The following PPIE variants were observed in gnomAD, a reference collection of about 807,000 sequenced individuals.
The protein encoded by PPIE is peptidylprolyl isomerase E, also known as peptidyl-prolyl cis-trans isomerase E.
A neutral mutation model predicts 38.4 loss-of-function variants in PPIE; 20 were observed. The observed-to-expected ratio is 0.52, with a 90% CI of 0.37 to 0.76. The LOEUF (loss-of-function observed/expected upper bound fraction) is 0.76, where lower values mean the gene tolerates loss of function less well. Among genes scored for constraint, PPIE ranks in the 30% least tolerant of loss-of-function variants. The probability of loss-of-function intolerance (pLI) is 0.00; values close to 1 mark genes in which losing one functional copy is unlikely to be tolerated. For missense variants in PPIE, 322 were observed against 385.8 expected (o/e 0.83, Z 1.39); for synonymous variants, 142 against 135.7 (o/e 1.05, Z -0.32).
In PPIE at chr1:39,754,006, C is replaced by T. The variant is rs1648027352; in HGVS notation, c.*651C>T. On this transcript the variant is annotated 3_prime_UTR_variant, in exon 10 of 10. Transcript: ENST00000324379. ...TCATTTGTTTATTTGTTCACTTTCA[C>T]CCTACAGATTTTAAAAAATGAAATT... 4.1e-6 allele frequency: 4 copies of T among 985,410 alleles called. No individual in the cohort carries two copies. The highest frequency in any genetic ancestry group is 2.4e-6 in the Non-Finnish European group (2 of 829,916). The allele number at this position is 985,410 out of a possible 1,614,324, so 61.0% of individuals were successfully genotyped here.
At chr1:39,743,043 T>G in intron 4 of PPIE, 173 bp from the exon 5 acceptor site, 1 of 572,568 alleles carries the variant, frequency 1.7e-6, no homozygotes. Flanking sequence ...AAGAAAGGGG[T>G]GTGAGTTCCC....
intron 5 of PPIE, 110 bp from the exon 6 acceptor site, chr1:39,743,714 T>G (rs1417954101): frequency 1.2e-6 from 1 of 800,130 alleles, no homozygotes; most frequent in African/African-American, 1.7e-5. Context: ...CAGTGGGGAA[T>G]TGTCTGGCAT....
At chr1:39,750,812 C>T (rs1647644980) in intron 8 of PPIE, among the ~76,000 whole-genome samples, 1 of 152,170 alleles carries the variant, frequency 6.6e-6, no homozygotes, top group Non-Finnish European at 1.5e-5. Context: ...GCCTGTTACC[C>T]TGTGCTCCGT....
chr1:39,758,211 C>G (rs116241541), downstream of PPIE: 1 of 152,172 alleles, frequency 6.6e-6, no homozygotes, highest in Non-Finnish European at 1.5e-5. Flanking sequence ...TAAGTAAATA[C>G]TAGGATGGCA....
chr1:39,748,923 A>G lies in PPIE; in HGVS notation c.529A>G (p.Thr177Ala), dbSNP rs1443888316. ...MTAENFRCLC[T>A]HEKGFGFKGS... Reference sequence around the variant, plus strand: ...TCCAGAGAATTTCCGCTGCCTGTGCACTCATGAAAAGGGCTTTGGCTTTAA... The same window carrying G: ...TCCAGAGAATTTCCGCTGCCTGTGCGCTCATGAAAAGGGCTTTGGCTTTAA... The change falls in exon 8 of 10, where the codon ACT (threonine) becomes GCT (alanine). Residue 177 changes from threonine to alanine, a missense_variant. Coordinates refer to ENST00000324379, the MANE Select transcript of PPIE (RefSeq NM_006112.4). The G allele has an allele frequency of 1.2e-6, 2 of 1,613,926 alleles. No homozygotes were observed. Among genetic ancestry groups the G allele is most frequent in the Admixed American group, 3.3e-5 (2 of 60,000 alleles).
rs1569779135 is a variant in PPIE at position 39,762,719 on chromosome 1, G to A, written c.838-970G>A. On this transcript the variant is annotated intron_variant, in intron 9 of 9. Transcript: ENST00000356511. ...ATCACGGGCGGTCAGACTTGCCAGCGTACTCGGCGGCCCGTGTGCTAAGAT... is the reference window on the plus strand; with the variant it reads ...ATCACGGGCGGTCAGACTTGCCAGCATACTCGGCGGCCCGTGTGCTAAGAT... The A allele has an allele frequency of 7.6e-6, 11 of 1,444,754 alleles. 1 individual carries two copies. In the South Asian group the frequency reaches 8.7e-5, roughly 11 times the overall value. 89.5% of individuals were successfully genotyped at this position (1,444,754 alleles called of 1,614,324 possible).
chr1:39,756,196 A>G lies in PPIE; in HGVS notation c.*2841A>G. ...CGGGAAAACTCTGACCTCTCTGGGA[A>G]GTGGAGCCAGTGGCTCTGTGGGCGT... is the stretch of plus-strand genomic sequence containing the variant. On this transcript the variant is annotated 3_prime_UTR_variant, in exon 10 of 10. Transcript: ENST00000324379. The G allele has an allele frequency of 1.0e-6, 1 of 985,420 alleles. No homozygotes were observed. Among genetic ancestry groups the G allele is most frequent in the South Asian group, 4.7e-5 (1 of 21,290 alleles). 61.0% of individuals were successfully genotyped at this position (985,420 alleles called of 1,614,324 possible).
At chr1:39,758,857 G>A (rs1021923109), downstream of PPIE, 1 of 152,224 alleles carries the variant, frequency 6.6e-6, no homozygotes, top group Non-Finnish European at 1.5e-5. Flanking sequence ...GGTCCAGGTG[G>A]AGGGGCTGCT....
chr1:39,749,990 G>A (rs1409671160), intron 8 of PPIE, among the ~76,000 whole-genome samples: 1 of 152,024 alleles, frequency 6.6e-6, no homozygotes, highest in Admixed American at 6.6e-5. Context: ...AAAATTAGCC[G>A]GGCGTGGTGG....
chr1:39,761,230 G>C (rs558011871), downstream of PPIE: 1 of 152,560 alleles, frequency 6.6e-6, no homozygotes, highest in African/African-American at 2.4e-5. Flanking sequence ...AGTTCCTCCC[G>C]CCCTGACATC....
At chr1:39,751,854 G>C (rs1280729959) in intron 8 of PPIE, among the ~76,000 whole-genome samples, 1 of 152,172 alleles carries the variant, frequency 6.6e-6, no homozygotes, top group Non-Finnish European at 1.5e-5. Flanking sequence ...GGAGTCTGAA[G>C]TGGCAGCCCA....
chr1:39,746,779 C>T (rs1261055791), intron 7 of PPIE: 1 of 152,238 alleles, frequency 6.6e-6, no homozygotes, highest in Non-Finnish European at 1.5e-5. Context: ...TAGGACTCAT[C>T]TATTTTGTTT....
At chr1:39,743,693 CT>C in intron 5 of PPIE, 130 bp from the exon 6 acceptor site, 1 of 696,744 alleles carries the variant, frequency 1.4e-6, no homozygotes, top group Non-Finnish European at 2.4e-6. Context: ...TTCCTTACCC[CT>C]GGGAGTTCTC....
rs376241780 is a variant in PPIE at position 39,745,467 on chromosome 1, C to T, written c.477C>T (p.Leu159=). 8.4e-5 allele frequency: 135 copies of T among 1,614,118 alleles called. 1 individual carries two copies. The African/African-American group carries it at 1.5e-3, about 19-fold the overall frequency. ...GNKPAGRIQM[L]LRSDVVPMTA... ...AGCCGGCTGGCCGCATCCAGATGCTCCTGCGTTCTGATGTCGTGCCCATGA... is the reference window on the plus strand; with the variant it reads ...AGCCGGCTGGCCGCATCCAGATGCTTCTGCGTTCTGATGTCGTGCCCATGA... Residue 159 remains leucine, a synonymous_variant, in exon 7 of 10, where the codon CTC becomes CTT. Transcript: ENST00000324379.
intron 1 of PPIE, among the ~76,000 whole-genome samples, chr1:39,739,692 A>T (rs1004705188): frequency 6.6e-6 from 1 of 152,182 alleles, no homozygotes; most frequent in Non-Finnish European, 1.5e-5. Flanking sequence ...AGGGAGTCGC[A>T]AAGGTGTGAA....
At position 39,763,833 on chromosome 1, in the gene PPIE, C is replaced by T. The variant is rs753242726; in HGVS notation, c.*91C>T. ...GGCAAGGTCTTTTCTGGGGTTCCTA[C>T]TGTGTGCAGCTACTATGGGGTACCA... On this transcript the variant is annotated 3_prime_UTR_variant, in exon 10 of 10. Coordinates refer to the PPIE transcript ENST00000356511. 23 of 1,586,318 alleles carry T rather than the reference C, an allele frequency of 1.4e-5. 1 individual carries two copies.
Position 39,756,300 on chromosome 1 carries a change from C to T in PPIE, c.*2945C>T. On this transcript the variant is annotated 3_prime_UTR_variant, in exon 10 of 10. Transcript: ENST00000324379. The stretch of plus-strand genomic sequence containing the variant: ...TGTCCCAACTGGCCTCCCCATTCCA[C>T]ATTCCCATTGCTGGACCAGCACCAG... 2 of 985,488 alleles carry T rather than the reference C, an allele frequency of 2.0e-6. No individual in the cohort carries two copies. Among genetic ancestry groups the T allele is most frequent in the South Asian group, 9.4e-5 (2 of 21,292 alleles). The allele number at this position is 985,488 out of a possible 1,614,324, so 61.0% of individuals were successfully genotyped here. A position where few individuals can be genotyped will look rare whatever the true frequency, so the allele number is the denominator to read the frequency against.
chr1:39,761,582 G>A (rs1648986015), downstream of PPIE, among the ~76,000 whole-genome samples: 2 of 152,064 alleles, frequency 1.3e-5, no homozygotes, highest in Non-Finnish European at 2.9e-5. Flanking sequence ...TAGGGGAGCC[G>A]GCCCTGCCCA....
intron 4 of PPIE, chr1:39,742,420 A>G (rs1001578151): frequency 1.3e-5 from 2 of 152,974 alleles, no homozygotes; most frequent in African/African-American, 4.8e-5. Flanking sequence ...AAGAAGTGCA[A>G]AGATACCATA....
Sources: gnomAD v4.1 joint callset for allele counts (sites outside exome capture counted in the v4.1 genomes callset) on GRCh38, gnomAD v4.1.1 for gene constraint, MANE v1.5 for transcripts, NCBI Gene and HGNC (gene_info 2026-07-23, HGNC 2026-07-21) for gene names.